Variants in SFSWAP observed in about 807,000 individuals in gnomAD.
The protein encoded by SFSWAP is splicing factor, suppressor of white-apricot homolog.
A neutral mutation model predicts 100.7 loss-of-function variants in SFSWAP; 17 were observed. The ratio of observed to expected loss-of-function variants is 0.17; its 90% CI spans 0.12 to 0.25. The LOEUF (loss-of-function observed/expected upper bound fraction) is 0.25, where lower values mean the gene tolerates loss of function less well. Among genes scored for constraint, SFSWAP ranks in the 10% least tolerant of loss-of-function variants. The pLI is 1.00. For missense variants in SFSWAP, 1,005 were observed against 1,262.6 expected (o/e 0.80, Z 3.09); for synonymous variants, 504 against 510.1 (o/e 0.99, Z 0.16).
rs570877836 is a variant in SFSWAP, at chr12:131,756,825, A to G, written c.1720+181A>G. On this transcript the variant is annotated intron_variant, in intron 11 of 17. Coordinates refer to ENST00000261674, the MANE Select transcript of SFSWAP (RefSeq NM_004592.4). ...CTGTGTCATGCTTGCCTCGCGTGGC[A>G]TTGGAGGTAACGTGAGTGTGAGCAG... 20 of 592,828 alleles carry G rather than the reference A, an allele frequency of 3.4e-5. 1 individual carries two copies. The South Asian group carries it at 4.1e-4, about 12-fold the overall frequency. 36.7% of individuals were successfully genotyped at this position (592,828 alleles called of 1,614,324 possible). A position where few individuals can be genotyped will look rare whatever the true frequency, so the allele number is the denominator to read the frequency against.
chr12:131,753,743 T>A (rs1268044796), intron 8 of SFSWAP, among the ~76,000 whole-genome samples: 3 of 152,154 alleles, frequency 2.0e-5, no homozygotes, highest in Non-Finnish European at 4.4e-5. Context: ...ACGCAGGTGA[T>A]GTTGGGGTGC....
intron 14 of SFSWAP, among the ~76,000 whole-genome samples, chr12:131,779,316 T>TGAGCGTGTGTGAAGAGGGC (rs1566051767): frequency 6.0e-5 from 9 of 151,162 alleles, no homozygotes; most frequent in Non-Finnish European, 1.0e-4. Flanking sequence ...GCGGCGCTGG[T>TGAGCGTGTGTGAAGAGGGC]GCAGAATGTT....
At chr12:131,758,824 G>A (rs1249131611) in intron 11 of SFSWAP, among the ~76,000 whole-genome samples, 1 of 152,226 alleles carries the variant, frequency 6.6e-6, no homozygotes, top group Admixed American at 6.5e-5. Flanking sequence ...GCACATGCCT[G>A]TAGCACCAGC....
chr12:131,792,202 CGTGT>C (rs1266207864), intron 15 of SFSWAP, among the ~76,000 whole-genome samples: 7 of 146,880 alleles, frequency 4.8e-5, no homozygotes, highest in African/African-American at 1.8e-4. Flanking sequence ...TGTGTGCGCC[CGTGT>C]GTGTTCACGG....
chr12:131,766,405 G>A lies in SFSWAP; in HGVS notation c.2142+97G>A, dbSNP rs1883123940. On this transcript the variant is annotated intron_variant, in intron 13 of 17. Transcript: ENST00000261674. ...CCAGCTGCCCTAGTCTCTGGCCTGAGTGAGGGATATGAGCTCCCAGCTCTT... is the reference window on the plus strand; with the variant it reads ...CCAGCTGCCCTAGTCTCTGGCCTGAATGAGGGATATGAGCTCCCAGCTCTT... 7 of 1,133,890 alleles carry A rather than the reference G, an allele frequency of 6.2e-6. No homozygotes were observed. In the Admixed American group the frequency reaches 1.2e-4, roughly 19 times the overall value. 70.2% of individuals were successfully genotyped at this position (1,133,890 alleles called of 1,614,324 possible).
chr12:131,758,290 T>C (rs566201778), intron 11 of SFSWAP, among the ~76,000 whole-genome samples: 1 of 152,164 alleles, frequency 6.6e-6, no homozygotes, highest in South Asian at 2.1e-4. Flanking sequence ...TCTCCACACT[T>C]CCCTGATTGT....
At chr12:131,747,103 C>CCAAAAAAAA (rs1881203738) in intron 7 of SFSWAP, among the ~76,000 whole-genome samples, 1 of 96,914 alleles carries the variant, frequency 1.0e-5, no homozygotes, top group African/African-American at 4.1e-5. Flanking sequence ...GACTCTGTCT[C>CCAAAAAAAA]AAAAAAAAAA....
At chr12:131,731,315 C>T (rs1051507063) in intron 7 of SFSWAP, among the ~76,000 whole-genome samples, 5 of 152,206 alleles carry the variant, frequency 3.3e-5, no homozygotes, top group South Asian at 2.1e-4. Flanking sequence ...GACTCACACG[C>T]ACCTCCCTGC....
At chr12:131,797,651 C>T (rs929298888) in intron 16 of SFSWAP, among the ~76,000 whole-genome samples, 1 of 152,224 alleles carries the variant, frequency 6.6e-6, no homozygotes, top group Non-Finnish European at 1.5e-5. Flanking sequence ...GCCTGATGCC[C>T]ACCAGGCACA....
intron 3 of SFSWAP, among the ~76,000 whole-genome samples, chr12:131,717,462 A>G (rs917530153): frequency 4.6e-5 from 7 of 152,178 alleles, no homozygotes; most frequent in Non-Finnish European, 8.8e-5. Flanking sequence ...TTTTTTAAAC[A>G]AAAGGTTATT....
In SFSWAP at chr12:131,756,323, A is replaced by G. The variant is rs917164341; in HGVS notation, c.1549-150A>G. ...ATTCCATTGTAAGAAAAAACAGCAG[A>G]TCTGGATTTGGAAGTCTGTTCCCAG... On this transcript the variant is annotated intron_variant, in intron 10 of 17. Transcript: ENST00000261674. 6.1e-6 allele frequency: 4 copies of G among 658,030 alleles called. No homozygotes were observed. The African/African-American group carries it at 7.3e-5, about 12-fold the overall frequency. The allele number at this position is 658,030 out of a possible 1,614,324, so 40.8% of individuals were successfully genotyped here. A position where few individuals can be genotyped will look rare whatever the true frequency, so the allele number is the denominator to read the frequency against.
In SFSWAP at chr12:131,797,193, G is replaced by A. The variant is rs748195415; in HGVS notation, c.2550G>A (p.Lys850=). The A allele has an allele frequency of 6.2e-7, 1 of 1,609,872 alleles. No homozygotes were observed. The highest frequency in any genetic ancestry group is 1.1e-5 in the South Asian group (1 of 91,042). ...TGCCTTTCAGAAGTCCCCACGAGAA[G>A]AAGAAGAAGAGGCGGTCCCGGTCGC... ...KRTRSRSPHE[K]KKKRRSRSRT... is the part of the protein sequence containing the mutation. The change falls in exon 16 of 18, where the codon AAG becomes AAA. Residue 850 remains lysine, a synonymous_variant. Coordinates refer to ENST00000261674, the MANE Select transcript of SFSWAP (RefSeq NM_004592.4).
intron 14 of SFSWAP, chr12:131,784,919 T>C (rs2136269098): frequency 2.0e-6 from 1 of 510,958 alleles, no homozygotes; most frequent in African/African-American, 2.0e-5. Flanking sequence ...AACTAACTTA[T>C]TTTTCCTGAT....
chr12:131,762,799 C>G (rs1336277903), intron 11 of SFSWAP, among the ~76,000 whole-genome samples: 3 of 152,192 alleles, frequency 2.0e-5, no homozygotes, highest in Non-Finnish European at 4.4e-5. Context: ...CAGGGTTTCA[C>G]CGTGTTGGCC....
intron 13 of SFSWAP, 47 bp downstream of exon 13, chr12:131,766,355 A>G: frequency 6.5e-7 from 1 of 1,546,460 alleles, no homozygotes; most frequent in African/African-American, 1.4e-5. Flanking sequence ...TGTGATACAT[A>G]GAGGCAGGGA....
In SFSWAP at chr12:131,797,187, C is replaced by T. The variant is rs755158988; in HGVS notation, c.2544C>T (p.His848=). ...AACTCTTGCCTTTCAGAAGTCCCCA[C>T]GAGAAGAAGAAGAAGAGGCGGTCCC... ...SRKRTRSRSP[H]EKKKKRRSRS... Residue 848 remains histidine, a synonymous_variant, in exon 16 of 18, where the codon CAC becomes CAT. Transcript: ENST00000261674. 6.2e-6 allele frequency: 10 copies of T among 1,608,740 alleles called. No individual in the cohort carries two copies. The highest frequency in any genetic ancestry group is 2.7e-5 in the African/African-American group (2 of 74,876).
rs778360986 is a variant in SFSWAP at position 131,756,527 on chromosome 12, G to A, written c.1603G>A (p.Asp535Asn). Residue 535 changes from aspartate (D) to asparagine (N), a missense_variant, in exon 11 of 18, where the codon GAT becomes AAT. This residue lies in a region of SFSWAP where 311 missense variants were observed against 317.8 expected (regional missense o/e 0.98). Transcript: ENST00000261674. Reference protein sequence around the residue: ...PTDSAPEKPSDAGEDGAPEDA... With the variant: ...PTDSAPEKPSNAGEDGAPEDA... ...AGACTCTGCTCCCGAGAAGCCAAGT[G>A]ATGCTGGGGAGGATGGCGCGCCTGA... 92 of 1,613,988 alleles carry A rather than the reference G, an allele frequency of 5.7e-5. No individual in the cohort carries two copies. The highest frequency in any genetic ancestry group is 1.3e-4 in the Admixed American group (8 of 60,006).
At chr12:131,755,834 A>G (rs998777142) in intron 10 of SFSWAP, among the ~76,000 whole-genome samples, 3 of 152,234 alleles carry the variant, frequency 2.0e-5, no homozygotes, top group African/African-American at 7.2e-5. Context: ...TGTATGAAAT[A>G]TATAAAATAT....
chr12:131,746,847 A>G (rs533243260), intron 7 of SFSWAP, among the ~76,000 whole-genome samples: 41 of 152,258 alleles, frequency 2.7e-4, no homozygotes, highest in Middle Eastern at 3.4e-3. Context: ...GCTCACGCCT[A>G]TAATCCCAGC....
Sources: gnomAD v4.1 joint callset for allele counts (sites outside exome capture counted in the v4.1 genomes callset) on GRCh38, gnomAD v4.1.1 for gene constraint, gnomAD v4.1.1 regional missense constraint, MANE v1.5 for transcripts, NCBI Gene and HGNC (gene_info 2026-07-23, HGNC 2026-07-21) for gene names.